ECHS1: variants seen among roughly 807,000 people sequenced by gnomAD.
ECHS1 encodes enoyl-CoA hydratase, short chain 1, also known as enoyl-CoA hydratase, mitochondrial.
ECHS1 carries 19 observed loss-of-function variants against 33.5 expected under a neutral mutation model. The ratio of observed to expected loss-of-function variants is 0.57; its 90% CI spans 0.40 to 0.83. The LOEUF (loss-of-function observed/expected upper bound fraction) is 0.83, where lower values mean the gene tolerates loss of function less well. Ranked by LOEUF, ECHS1 falls within the 40% of genes least tolerant of loss-of-function variation. ECHS1 has a pLI of 0.00. For synonymous variants in ECHS1, 158 were observed against 146.6 expected (o/e 1.08, Z -0.56); for missense variants, 365 against 381.3 (o/e 0.96, Z 0.36).
chr10:133,369,809 A>C, intron 3 of ECHS1, 95 bp downstream of exon 3: 442 of 1,378,260 alleles, frequency 3.2e-4, no homozygotes, highest in Non-Finnish European at 3.9e-4. Context: ...CCTGGGAACT[A>C]AAGGCCTCTT....
Position 133,366,798 on chromosome 10 carries a change from C to G in ECHS1, c.619+91G>C, listed in dbSNP as rs868171747. The G allele has an allele frequency of 3.5e-3, 3,376 of 964,868 alleles. 162 individuals are homozygous for G. In the African/African-American group the frequency reaches 0.057, roughly 16 times the overall value. The allele number at this position is 964,868 out of a possible 1,614,324, so 59.8% of individuals were successfully genotyped here. ...TGCCCCGGGTTTCTGTGGGGCTCCC[C>G]CGAGGGGGACACCTGGATGCCGCCC... is the stretch of plus-strand genomic sequence containing the variant. On this transcript the variant is annotated intron_variant, in intron 5 of 7. Transcript: ENST00000368547.
intron 1 of ECHS1, among the ~76,000 whole-genome samples, chr10:133,372,388 G>C (rs1232376298): frequency 6.6e-6 from 1 of 152,230 alleles, no homozygotes; most frequent in African/African-American, 2.4e-5. Flanking sequence ...GAGGAAGAGG[G>C]CAGCCCCCTG....
At chr10:133,370,147 T>C in intron 2 of ECHS1, 116 bp from the exon 3 acceptor site, 1 of 1,420,672 alleles carries the variant, frequency 7.0e-7, no homozygotes, top group Admixed American at 2.3e-5. Flanking sequence ...GTGGGGTTGC[T>C]GGGCACGGCT....
At chr10:133,371,837 C>T (rs1235506887) in intron 1 of ECHS1, among the ~76,000 whole-genome samples, 2 of 152,152 alleles carry the variant, frequency 1.3e-5, no homozygotes, top group African/African-American at 4.8e-5. Context: ...CACTCTATTG[C>T]CCAGGCTGGA....
At chr10:133,370,162 C>A (rs1256098074) in intron 2 of ECHS1, 131 bp from the exon 3 acceptor site, 5 of 1,292,068 alleles carry the variant, frequency 3.9e-6, no homozygotes, top group Non-Finnish European at 5.3e-6. Flanking sequence ...ACGGCTGACA[C>A]CAGGCCACGT....
chr10:133,373,313 C>T lies in ECHS1; in HGVS notation c.21G>A (p.Leu7=), dbSNP rs1279794402. ...TCAGCGGGCCGCGGACGCAGGACAG[C>T]AGGACACGCAGGGCGGCCATGGCTC... MAALRV[L]LSCVRGPLRP... The change falls in exon 1 of 8, where the codon CTG becomes CTA. Residue 7 remains leucine, a synonymous_variant. Transcript: ENST00000368547. 6.7e-7 allele frequency: 1 copy of T among 1,502,686 alleles called. No individual in the cohort carries two copies. The highest frequency in any genetic ancestry group is 8.8e-7 in the Non-Finnish European group (1 of 1,131,594). 93.1% of individuals were successfully genotyped at this position (1,502,686 alleles called of 1,614,324 possible). A position where few individuals can be genotyped will look rare whatever the true frequency, so the allele number is the denominator to read the frequency against.
chr10:133,368,985 A>G lies in ECHS1; in HGVS notation c.452T>C (p.Ile151Thr), dbSNP rs1451022397. ...GGCELAMMCD[I>T]IYAGEKAQFA... ...CTGGGCCTTCTCACCGGCATAGATG[A>G]TATCACACATCATGGCAAGCTCACA... The change falls in exon 4 of 8, where the codon ATC becomes ACC. Residue 151 changes from isoleucine to threonine, a missense_variant. Ile to Thr is a moderately conservative substitution (Grantham distance 89, BLOSUM62 -1). Transcript: ENST00000368547. 4 of 1,613,728 alleles carry G rather than the reference A, an allele frequency of 2.5e-6. No homozygotes were observed. The highest frequency in any genetic ancestry group is 2.5e-6 in the Non-Finnish European group (3 of 1,179,956).
intron 4 of ECHS1, 87 bp from the exon 5 acceptor site, chr10:133,367,080 G>A (rs1849044611): frequency 3.7e-6 from 4 of 1,071,762 alleles, no homozygotes; most frequent in Non-Finnish European, 5.5e-6. Flanking sequence ...ATTCCAAGGG[G>A]CTTAAGATAG....
chr10:133,365,843 A>C, intron 6 of ECHS1, 133 bp downstream of exon 6: 2 of 1,114,718 alleles, frequency 1.8e-6, no homozygotes, highest in Non-Finnish European at 2.6e-6. Context: ...AGACAGCAGA[A>C]CTGAGACACT....
chr10:133,370,552 G>A lies in ECHS1; in HGVS notation c.286+8C>T, dbSNP rs189727187. The A allele has an allele frequency of 0.018, 27,046 of 1,542,764 alleles. 288 individuals are homozygous for A. Among genetic ancestry groups the A allele is most frequent in the South Asian group, 0.022 (1,806 of 82,026 alleles). ...CCCAGACACAAAGGCCTCTGCTGCC[G>A]CGCGTACCTGCAAAGGCCTTATCCC... On this transcript the variant is annotated splice_region_variant and intron_variant, in intron 2 of 7. Transcript: ENST00000368547.
In ECHS1 at chr10:133,363,351, GCGCGCA is replaced by G. The variant is rs1487413300; in HGVS notation, c.808-424_808-419del. 6.4e-3 allele frequency among the ~76,000 whole-genome samples: 793 copies of G among 124,450 alleles called. 11 individuals are homozygous for G. Among genetic ancestry groups the G allele is most frequent in the African/African-American group, 0.021 (754 of 35,456 alleles). 81.6% of individuals were successfully genotyped at this position (124,450 alleles called of 152,430 possible). A position where few individuals can be genotyped will look rare whatever the true frequency, so the allele number is the denominator to read the frequency against. Reference sequence around the variant, plus strand: ...TGCACGTGTGTCCCCAGGTGTGCGCGCGCGCACACACACACACACACACACACACAC... The same window carrying G: ...TGCACGTGTGTCCCCAGGTGTGCGCGCACACACACACACACACACACACAC... On this transcript the variant is annotated intron_variant, in intron 7 of 7. Coordinates refer to ENST00000368547, the MANE Select transcript of ECHS1 (RefSeq NM_004092.4).
intron 7 of ECHS1, among the ~76,000 whole-genome samples, chr10:133,363,380 C>CACACACACACGCATCTGT (rs1554885609): frequency 2.0e-5 from 3 of 151,198 alleles, no homozygotes; most frequent in Non-Finnish European, 4.4e-5. Flanking sequence ...CACACACACA[C>CACACACACACGCATCTGT]ACACGCATCT....
rs183469169 is a variant in ECHS1 at position 133,366,849 on chromosome 10, G to A, written c.619+40C>T. 2.0e-4 allele frequency: 309 copies of A among 1,527,680 alleles called. 4 individuals are homozygous for A. The East Asian group carries it at 3.9e-3, about 19-fold the overall frequency. 94.6% of individuals were successfully genotyped at this position (1,527,680 alleles called of 1,614,324 possible). A position where few individuals can be genotyped will look rare whatever the true frequency, so the allele number is the denominator to read the frequency against. On this transcript the variant is annotated intron_variant, in intron 5 of 7. Transcript: ENST00000368547. ...TGGGTTTCTGTGGGGCTCCCACCCC[G>A]GGTTTCCAGGTGGCTCTTGCGGGCA...
Position 133,368,817 on chromosome 10 carries a change from G to A in ECHS1, c.514+106C>T, listed in dbSNP as rs1036348615. 38 of 1,056,360 alleles carry A rather than the reference G, an allele frequency of 3.6e-5. No homozygotes were observed. The African/African-American group carries it at 5.8e-4, about 16-fold the overall frequency. The allele number at this position is 1,056,360 out of a possible 1,614,324, so 65.4% of individuals were successfully genotyped here. ...GGGACCACTGACCAGCCATGGGGCT[G>A]TCCATCCAGGGCCTCTGGTCAGATA... On this transcript the variant is annotated intron_variant, in intron 4 of 7. Transcript: ENST00000368547.
chr10:133,370,472 A>T, intron 2 of ECHS1, 88 bp downstream of exon 2: 1 of 1,345,078 alleles, frequency 7.4e-7, no homozygotes, highest in Non-Finnish European at 9.8e-7. Context: ...GCCATCACAG[A>T]GGCGCAAATC....
At chr10:133,368,517 G>A (rs899393243) in intron 4 of ECHS1, among the ~76,000 whole-genome samples, 4 of 152,018 alleles carry the variant, frequency 2.6e-5, no homozygotes, top group African/African-American at 9.7e-5. Flanking sequence ...GGCCTGGGTG[G>A]GGGGTCTGAC....
chr10:133,372,687 G>A (rs554734825), intron 1 of ECHS1, among the ~76,000 whole-genome samples: 1 of 150,086 alleles, frequency 6.7e-6, no homozygotes, highest in African/African-American at 2.5e-5. Flanking sequence ...GCAGGGGGTG[G>A]GGGTGCGGGC....
Position 133,373,253 on chromosome 10 carries a change from G to T in ECHS1, c.81C>A (p.Phe27Leu). Residue 27 changes from phenylalanine to leucine, a missense_variant, in exon 1 of 8, where the codon TTC becomes TTA. By Grantham distance (22) the Phe-to-Leu change is conservative. Transcript: ENST00000368547. ...PPVRCPAWRP[F>L]ASGANFEYII... The stretch of plus-strand genomic sequence containing the variant: ...CTCTCACCGCGCACTCACCCGAGGC[G>T]AAGGGACGCCAGGCGGGACAGCGAA... 1 of 1,441,658 alleles carries T rather than the reference G, an allele frequency of 6.9e-7. No homozygotes were observed. Among genetic ancestry groups the T allele is most frequent in the Non-Finnish European group, 9.0e-7 (1 of 1,105,952 alleles). 89.3% of individuals were successfully genotyped at this position (1,441,658 alleles called of 1,614,324 possible). A position where few individuals can be genotyped will look rare whatever the true frequency, so the allele number is the denominator to read the frequency against.
In ECHS1 at chr10:133,366,820, G is replaced by A. The variant is rs191212514; in HGVS notation, c.619+69C>T. ...CCCCCGAGGGGGACACCTGGATGCC[G>A]CCCTGGGTTTCTGTGGGGCTCCCAC... On this transcript the variant is annotated intron_variant, in intron 5 of 7. Transcript: ENST00000368547. 1,338 of 1,271,254 alleles carry A rather than the reference G, an allele frequency of 1.1e-3. 40 individuals carry two copies. In the African/African-American group the frequency reaches 0.018, roughly 17 times the overall value. 78.7% of individuals were successfully genotyped at this position (1,271,254 alleles called of 1,614,324 possible). A position where few individuals can be genotyped will look rare whatever the true frequency, so the allele number is the denominator to read the frequency against.
Sources: gnomAD v4.1 joint callset for allele counts (sites outside exome capture counted in the v4.1 genomes callset) on GRCh38, gnomAD v4.1.1 for gene constraint, MANE v1.5 for transcripts, NCBI Gene and HGNC (gene_info 2026-07-23, HGNC 2026-07-21) for gene names.